The following SLC24A4 variants were observed in gnomAD, a reference collection of about 807,000 sequenced individuals.
SLC24A4 encodes the protein sodium/potassium/calcium exchanger 4.
In SLC24A4, 53 loss-of-function variants were observed where a neutral mutation model predicts 79.0. That is an observed-to-expected ratio of 0.67 (90% CI 0.54 to 0.84). The LOEUF is 0.84. Among genes scored for constraint, SLC24A4 ranks in the 40% least tolerant of loss-of-function variants. The pLI is 0.00. For missense variants in SLC24A4, 731 were observed against 822.0 expected (o/e 0.89, Z 1.35); for synonymous variants, 323 against 323.8 (o/e 1.00, Z 0.03).
chr14:92,489,032 G>A (rs1214790767), intron 14 of SLC24A4, among the ~76,000 whole-genome samples: 13 of 152,166 alleles, frequency 8.5e-5, no homozygotes, highest in Non-Finnish European at 1.5e-4. Context: ...TGGCTACAGC[G>A]AAATGTGGAA....
intron 2 of SLC24A4, among the ~76,000 whole-genome samples, chr14:92,347,199 C>G (rs944762619): frequency 6.6e-6 from 1 of 152,180 alleles, no homozygotes; most frequent in African/African-American, 2.4e-5. Flanking sequence ...TACGCCTTAG[C>G]CAGTGTGGTC....
intron 12 of SLC24A4, among the ~76,000 whole-genome samples, chr14:92,458,540 C>A (rs541598505): frequency 1.3e-5 from 2 of 152,160 alleles, no homozygotes; most frequent in African/African-American, 4.8e-5. Context: ...GAGGGGTGGT[C>A]TCCAGATTCC....
intron 2 of SLC24A4, among the ~76,000 whole-genome samples, chr14:92,346,367 A>T (rs1886527755): frequency 6.6e-6 from 1 of 152,132 alleles, no homozygotes; most frequent in South Asian, 2.1e-4. Context: ...ACCTCTCAGG[A>T]TGGCCATGGA....
At chr14:92,384,697 T>C (rs1889052221) in intron 2 of SLC24A4, among the ~76,000 whole-genome samples, 1 of 152,182 alleles carries the variant, frequency 6.6e-6, no homozygotes, top group Non-Finnish European at 1.5e-5. Flanking sequence ...AAATGAGCAT[T>C]ACAGTGGAGC....
At chr14:92,442,065 G>C (rs369217906) in intron 4 of SLC24A4, 24 bp from the exon 5 acceptor site, 2 of 1,600,644 alleles carry the variant, frequency 1.2e-6, no homozygotes, top group Admixed American at 3.3e-5. Context: ...ACACCCTGAG[G>C]GTCTGTGGTC....
At chr14:92,493,450 C>G (rs769393847) in intron 16 of SLC24A4, 26 bp from the exon 17 acceptor site, 67 of 1,612,824 alleles carry the variant, frequency 4.2e-5, no homozygotes, top group Middle Eastern at 1.7e-4. Context: ...CCCTGCAAGC[C>G]CAGTTCCCAC....
chr14:92,420,773 C>T (rs1891230658), intron 2 of SLC24A4, among the ~76,000 whole-genome samples: 1 of 152,120 alleles, frequency 6.6e-6, no homozygotes, highest in African/African-American at 2.4e-5. Context: ...CTAGAGTCCA[C>T]CTCTACCAGC....
intron 2 of SLC24A4, among the ~76,000 whole-genome samples, chr14:92,363,929 C>T (rs8015378): frequency 0.82 from 124,417 of 152,130 alleles, 52,399 homozygotes; most frequent in East Asian, 0.95. Flanking sequence ...ACTCTGCCCT[C>T]GGACGTCCCG....
intron 12 of SLC24A4, among the ~76,000 whole-genome samples, chr14:92,470,546 TA>T (rs1894386449): frequency 6.6e-6 from 1 of 152,200 alleles, no homozygotes; most frequent in Admixed American, 6.5e-5. Context: ...TTCACATAAT[TA>T]AATTGTAATT....
At chr14:92,433,719 A>G (rs1892002815) in intron 2 of SLC24A4, among the ~76,000 whole-genome samples, 193 bp from the exon 3 acceptor site, 1 of 152,218 alleles carries the variant, frequency 6.6e-6, no homozygotes, top group African/African-American at 2.4e-5. Context: ...ATATCTTTGC[A>G]TAATCCAGTA....
chr14:92,485,527 G>A (rs117142688), intron 13 of SLC24A4, among the ~76,000 whole-genome samples: 1 of 151,628 alleles, frequency 6.6e-6, no homozygotes, highest in African/African-American at 2.4e-5. Context: ...CAGAGATAAA[G>A]AAAACTGTGC....
intron 2 of SLC24A4, among the ~76,000 whole-genome samples, chr14:92,426,368 C>T (rs1006985850): frequency 6.6e-6 from 1 of 152,018 alleles, no homozygotes; most frequent in East Asian, 1.9e-4. Flanking sequence ...AAGTACCAGG[C>T]GCTTTTGAAA....
chr14:92,393,478 T>A (rs1256794357), intron 2 of SLC24A4, among the ~76,000 whole-genome samples: 3 of 151,238 alleles, frequency 2.0e-5, no homozygotes, highest in Non-Finnish European at 4.4e-5. Context: ...GGCGGCCGCC[T>A]GAACAGGTCT....
chr14:92,446,622 T>G (rs1335711660), intron 8 of SLC24A4, among the ~76,000 whole-genome samples: 2 of 152,096 alleles, frequency 1.3e-5, no homozygotes, highest in African/African-American at 2.4e-5. Context: ...TAGACAGGGT[T>G]GAGATGGCAG....
Position 92,442,139 on chromosome 14 carries a change from A to C in SLC24A4, c.444A>C (p.Gly148=). The C allele has an allele frequency of 1.9e-6, 3 of 1,613,960 alleles. No individual in the cohort carries two copies. Among genetic ancestry groups the C allele is most frequent in the Non-Finnish European group, 2.5e-6 (3 of 1,179,930 alleles). ...DVAGATFMAA[G]SSTPELFASV... ...CTGGAGCCACCTTCATGGCTGCAGG[A>C]AGCTCAACGCCAGAGCTGTTTGCGT... The change falls in exon 5 of 17, where the codon GGA becomes GGC. Residue 148 remains glycine, a synonymous_variant. Transcript: ENST00000532405.
intron 2 of SLC24A4, among the ~76,000 whole-genome samples, chr14:92,367,337 A>C (rs8012948): frequency 0.75 from 113,479 of 152,136 alleles, 46,204 homozygotes; most frequent in East Asian, 0.95. Flanking sequence ...CACTTAACTC[A>C]TGCTAAGTTG....
intron 2 of SLC24A4, among the ~76,000 whole-genome samples, chr14:92,333,149 G>T (rs369665979): frequency 6.6e-6 from 1 of 152,102 alleles, no homozygotes; most frequent in Non-Finnish European, 1.5e-5. Context: ...GTTAGAGTGC[G>T]CTGGTGCGAT....
chr14:92,356,676 G>A (rs1191095620), intron 2 of SLC24A4, among the ~76,000 whole-genome samples: 1 of 152,220 alleles, frequency 6.6e-6, no homozygotes, highest in Non-Finnish European at 1.5e-5. Flanking sequence ...GCACGTGCTC[G>A]ATACATTGGC....
chr14:92,405,327 G>A (rs544732513), intron 2 of SLC24A4, among the ~76,000 whole-genome samples: 10 of 152,292 alleles, frequency 6.6e-5, no homozygotes, highest in Admixed American at 5.2e-4. Flanking sequence ...TAAAAAAGAG[G>A]TAAAACTGAA....
Sources: gnomAD v4.1 joint callset for allele counts (sites outside exome capture counted in the v4.1 genomes callset) on GRCh38, gnomAD v4.1.1 for gene constraint, MANE v1.5 for transcripts, NCBI Gene and HGNC (gene_info 2026-07-23, HGNC 2026-07-21) for gene names.